FBLN1: variants seen among roughly 807,000 people sequenced by gnomAD.
The protein encoded by FBLN1 is fibulin 1, also known as fibulin-1.
Under a neutral mutation model 89.7 loss-of-function variants are expected in FBLN1, and 34 were observed. The observed-to-expected ratio is 0.38, with a 90% confidence interval of 0.29 to 0.50. The LOEUF is 0.50. Among genes scored for constraint, FBLN1 ranks in the 20% least tolerant of loss-of-function variants. FBLN1 has a pLI of 0.92. For synonymous variants in FBLN1, 393 were observed against 391.3 expected (o/e 1.00, Z -0.05); for missense variants, 777 against 988.1 (o/e 0.79, Z 2.86).
At position 45,532,693 on chromosome 22, in the gene FBLN1, G is replaced by A. The variant is rs2146968249; in HGVS notation, c.545-370G>A. On this transcript the variant is annotated intron_variant, in intron 5 of 16. Transcript: ENST00000327858. This position sits in a 1 kb window ranked among gnomAD's most constrained non-coding sequence, Gnocchi z 4.2. ...GGACAGCTCGAGAGTTCAGTGAGGA[G>A]CAGGTACATGAGGCCTAGTTGGGGC... Among the ~76,000 whole-genome samples, 1 of 152,264 alleles carries A rather than the reference G, an allele frequency of 6.6e-6. No individual in the cohort carries two copies. Among genetic ancestry groups the A allele is most frequent in the Non-Finnish European group, 1.5e-5 (1 of 68,010 alleles).
intron 1 of FBLN1, among the ~76,000 whole-genome samples, chr22:45,504,518 G>A (rs2087991811): frequency 6.6e-6 from 1 of 152,040 alleles, no homozygotes; most frequent in Admixed American, 6.6e-5. Flanking sequence ...GGAAAACCCC[G>A]AGGGGCCCTG....
rs1162837943 is a variant in FBLN1 at position 45,533,097 on chromosome 22, G to A, written c.579G>A (p.Thr193=). 3.7e-6 allele frequency: 6 copies of A among 1,614,078 alleles called. No homozygotes were observed. The African/African-American group carries it at 4.0e-5, about 11-fold the overall frequency. Residue 193 remains threonine (T), a synonymous_variant, in exon 6 of 17, where the codon ACG becomes ACA. Coordinates refer to ENST00000327858, the MANE Select transcript of FBLN1 (RefSeq NM_006486.3). ...GGPCKQQCRD[T]GDEVVCSCFV... The stretch of plus-strand genomic sequence containing the variant: ...CCTGCAAGCAGCAGTGCCGAGACAC[G>A]GGTGACGAGGTGGTCTGCTCCTGCT...
At chr22:45,541,189 C>T in intron 8 of FBLN1, 40 bp from the exon 9 acceptor site, 1 of 1,614,034 alleles carries the variant, frequency 6.2e-7, no homozygotes, top group Non-Finnish European at 8.5e-7. Flanking sequence ...GGGACACCCT[C>T]CAGGTTTAAC....
rs759817381 is a variant in FBLN1 at position 45,590,398 on chromosome 22, C to G, written c.1973-9909C>G. Among the ~76,000 whole-genome samples the G allele has an allele frequency of 1.3e-5, 2 of 152,206 alleles. No homozygotes were observed. Among genetic ancestry groups the G allele is most frequent in the African/African-American group, 2.4e-5 (1 of 41,464 alleles). On this transcript the variant is annotated intron_variant, in intron 16 of 16. Coordinates refer to ENST00000327858, the MANE Select transcript of FBLN1 (RefSeq NM_006486.3). This position sits in a 1 kb window ranked among gnomAD's most constrained non-coding sequence, Gnocchi z 4.1. ...GTGGCCCCCTCACCTTGGGGGATTG[C>G]AAGGGGTTCAGTGTGGCTGGGGCAG...
Position 45,502,926 on chromosome 22 carries a change from G to T in FBLN1, c.-60G>T. The T allele has an allele frequency of 1.4e-6, 1 of 730,052 alleles. No individual in the cohort carries two copies. The highest frequency in any genetic ancestry group is 1.7e-6 in the Non-Finnish European group (1 of 586,470). 45.2% of individuals were successfully genotyped at this position (730,052 alleles called of 1,614,324 possible). A position where few individuals can be genotyped will look rare whatever the true frequency, so the allele number is the denominator to read the frequency against. On this transcript the variant is annotated 5_prime_UTR_variant, in exon 1 of 17. Coordinates refer to ENST00000327858, the MANE Select transcript of FBLN1 (RefSeq NM_006486.3). ...GCCGGAGCGTGGAGCCCGCGCCGCTGCCCCAGGACCGCGCCCGCGCCTTTG... is the reference window on the plus strand; with the variant it reads ...GCCGGAGCGTGGAGCCCGCGCCGCTTCCCCAGGACCGCGCCCGCGCCTTTG...
At chr22:45,596,137 G>A (rs1369418481) in intron 16 of FBLN1, among the ~76,000 whole-genome samples, 4 of 152,208 alleles carry the variant, frequency 2.6e-5, no homozygotes, top group South Asian at 4.1e-4. Context: ...CCAAAGTGCC[G>A]GGATCACAGG....
At chr22:45,548,894 T>C in intron 13 of FBLN1, 150 bp downstream of exon 13, 1 of 1,255,512 alleles carries the variant, frequency 8.0e-7, no homozygotes, top group South Asian at 1.3e-5. Flanking sequence ...GCCCACCCCA[T>C]CCAAGGGGTG....
Position 45,600,832 on chromosome 22 carries a change from CTTT to C in FBLN1, c.*399_*401del, listed in dbSNP as rs879213611. On this transcript the variant is annotated 3_prime_UTR_variant, in exon 17 of 17. Transcript: ENST00000327858. ...TTGTATGAAATTTGACATTTTGGCA[CTTT>C]TTTTTTTTTTTTGGCCAATCAGATT... is the stretch of plus-strand genomic sequence containing the variant. The C allele has an allele frequency of 2.3e-3, 587 of 252,844 alleles. No homozygotes were observed. Among genetic ancestry groups the C allele is most frequent in the South Asian group, 4.6e-3 (109 of 23,624 alleles). The allele number at this position is 252,844 out of a possible 1,614,324, so 15.7% of individuals were successfully genotyped here.
At chr22:45,541,187 C>G (rs751734521) in intron 8 of FBLN1, 42 bp from the exon 9 acceptor site, 5 of 1,613,748 alleles carry the variant, frequency 3.1e-6, no homozygotes, top group African/African-American at 1.3e-5. Context: ...CTGGGACACC[C>G]TCCAGGTTTA....
At chr22:45,565,093 C>T in intron 14 of FBLN1, 2 of 1,594,770 alleles carry the variant, frequency 1.3e-6, no homozygotes, top group Middle Eastern at 1.7e-4. Flanking sequence ...CGGCCCTTGC[C>T]ACTGTCTCCT....
chr22:45,509,834 C>T (rs1178426088), intron 1 of FBLN1, among the ~76,000 whole-genome samples: 1 of 151,930 alleles, frequency 6.6e-6, no homozygotes, highest in East Asian at 1.9e-4. Flanking sequence ...GTTCTGGACA[C>T]CACGGAGGCC....
chr22:45,507,897 G>A (rs2088044688), intron 1 of FBLN1, among the ~76,000 whole-genome samples: 1 of 152,180 alleles, frequency 6.6e-6, no homozygotes, highest in Admixed American at 6.5e-5. Context: ...ACCTAGGTAT[G>A]AAGCCCGGCT....
At chr22:45,570,319 C>CA (rs761469854) in intron 14 of FBLN1, among the ~76,000 whole-genome samples, 1,439 of 36,336 alleles carry the variant, frequency 0.04, 106 homozygotes, top group Non-Finnish European at 0.045. Flanking sequence ...GACTCTGTCT[C>CA]AAAAAAAAAA....
Position 45,551,236 on chromosome 22 carries a change from TG to T in FBLN1, c.1697+622del, listed in dbSNP as rs1433123008. The T allele has an allele frequency of 1.8e-5, 3 of 170,940 alleles. No homozygotes were observed. The East Asian group carries it at 4.6e-4, about 26-fold the overall frequency. 10.6% of individuals were successfully genotyped at this position (170,940 alleles called of 1,614,324 possible). On this transcript the variant is annotated intron_variant, in intron 14 of 16. Coordinates refer to ENST00000327858, the MANE Select transcript of FBLN1 (RefSeq NM_006486.3). Reference sequence around the variant, plus strand: ...ACTTCCTATCCCCCTTGCCCCTAATTGTATTCAGAAAGTCTCATTTAGTGCC... The same window carrying T: ...ACTTCCTATCCCCCTTGCCCCTAATTTATTCAGAAAGTCTCATTTAGTGCC...
intron 10 of FBLN1, 52 bp from the exon 11 acceptor site, chr22:45,543,349 T>C (rs1378188856): frequency 3.1e-6 from 5 of 1,604,818 alleles, no homozygotes; most frequent in Non-Finnish European, 4.2e-6. Flanking sequence ...GGGTGGAGTG[T>C]GGTGCCACTG....
rs930780482 is a variant in FBLN1, at chr22:45,532,646, T to C, written c.545-417T>C. Among the ~76,000 whole-genome samples the C allele has an allele frequency of 2.0e-5, 3 of 152,000 alleles. No individual in the cohort carries two copies. The highest frequency in any genetic ancestry group is 4.4e-5 in the Non-Finnish European group (3 of 67,974). ...TGGGCAGCTGCAGGAACTGAGGCCATGGTAGTGGGCTTGGAGCAGTGGGAC... is the reference window on the plus strand; with the variant it reads ...TGGGCAGCTGCAGGAACTGAGGCCACGGTAGTGGGCTTGGAGCAGTGGGAC... On this transcript the variant is annotated intron_variant, in intron 5 of 16. Transcript: ENST00000327858. The surrounding 1 kb of genome is among the most constrained non-coding windows in gnomAD (Gnocchi z 4.2).
At position 45,576,293 on chromosome 22, in the gene FBLN1, T is replaced by A. The variant is rs1039378251; in HGVS notation, c.1841-684T>A. 1.3e-5 allele frequency among the ~76,000 whole-genome samples: 2 copies of A among 152,150 alleles called. No individual in the cohort carries two copies. The highest frequency in any genetic ancestry group is 4.8e-5 in the African/African-American group (2 of 41,420). On this transcript the variant is annotated intron_variant, in intron 15 of 16. Coordinates refer to ENST00000327858, the MANE Select transcript of FBLN1 (RefSeq NM_006486.3). This position sits in a 1 kb window ranked among gnomAD's most constrained non-coding sequence, Gnocchi z 5.2. Reference sequence around the variant, plus strand: ...GTGGCCTCTCCGGCCAGCCCCGATCTGAGTGTTGGTTATCGCAGGGAGCCG... The same window carrying A: ...GTGGCCTCTCCGGCCAGCCCCGATCAGAGTGTTGGTTATCGCAGGGAGCCG...
chr22:45,531,907 C>T lies in FBLN1; in HGVS notation c.544+583C>T, dbSNP rs2088414181. ...GAGGAGGGGGCTCAGCGTTCCCTGC[C>T]TTTGTGCCCCTGGAGCCCCAGCCAC... On this transcript the variant is annotated intron_variant, in intron 5 of 16. Transcript: ENST00000327858. The surrounding 1 kb of genome is among the most constrained non-coding windows in gnomAD (Gnocchi z 4.9). Among the ~76,000 whole-genome samples, 1 of 152,232 alleles carries T rather than the reference C, an allele frequency of 6.6e-6. No homozygotes were observed. The highest frequency in any genetic ancestry group is 6.5e-5 in the Admixed American group (1 of 15,292).
At position 45,530,052 on chromosome 22, in the gene FBLN1, G is replaced by A. The variant is rs908988197; in HGVS notation, c.485-1213G>A. 2.7e-5 allele frequency among the ~76,000 whole-genome samples: 4 copies of A among 150,440 alleles called. No homozygotes were observed. Among genetic ancestry groups the A allele is most frequent in the Admixed American group, 6.6e-5 (1 of 15,136 alleles). On this transcript the variant is annotated intron_variant, in intron 4 of 16. Coordinates refer to ENST00000327858, the MANE Select transcript of FBLN1 (RefSeq NM_006486.3). This position sits in a 1 kb window ranked among gnomAD's most constrained non-coding sequence, Gnocchi z 5.4. ...TAGGGCCCCTGGTCACAGAGGACCCGGGTCACCCGGGACTCATCTTTCACT... is the reference window on the plus strand; with the variant it reads ...TAGGGCCCCTGGTCACAGAGGACCCAGGTCACCCGGGACTCATCTTTCACT...
Sources: allele counts gnomAD v4.1 joint callset (sites outside exome capture counted in the v4.1 genomes callset), GRCh38; gene constraint gnomAD v4.1.1; non-coding constraint Gnocchi (gnomAD v3.1); transcripts MANE v1.5; gene names NCBI Gene and HGNC (gene_info 2026-07-23, HGNC 2026-07-21).